The following PAX2 variants were observed in gnomAD, a reference collection of about 807,000 sequenced individuals.
The protein encoded by PAX2 is paired box protein Pax-2.
PAX2 carries 9 observed loss-of-function variants against 41.7 expected under a neutral mutation model. The observed-to-expected ratio is 0.22, with a 90% CI of 0.13 to 0.38. The LOEUF (loss-of-function observed/expected upper bound fraction) is 0.38. Ranked by LOEUF, PAX2 falls within the 10% of genes least tolerant of loss-of-function variation. The pLI is 1.00. For synonymous variants in PAX2, 221 were observed against 212.7 expected (o/e 1.04, Z -0.34); for missense variants, 418 against 531.6 (o/e 0.79, Z 2.10).
In PAX2 at chr10:100,779,547, G is replaced by A. The variant is rs778742674; in HGVS notation, c.460G>A (p.Ala154Thr). 3.1e-6 allele frequency: 5 copies of A among 1,596,384 alleles called. No individual in the cohort carries two copies. The highest frequency in any genetic ancestry group is 2.6e-6 in the Non-Finnish European group (3 of 1,171,902). Residue 154 changes from alanine to threonine, a missense_variant, in exon 4 of 10, where the codon GCT becomes ACT. Ala to Thr is a moderately conservative substitution (Grantham distance 58). Transcript: ENST00000355243. ...GCCTTTCCACCCAACGCCGGATGGGGCTGGGACAGGAGTGACCGCCCCTGG... is the reference window on the plus strand; with the variant it reads ...GCCTTTCCACCCAACGCCGGATGGGACTGGGACAGGAGTGACCGCCCCTGG... Reference protein sequence around the residue: ...QQPFHPTPDGAGTGVTAPGHT... With the variant: ...QQPFHPTPDGTGTGVTAPGHT...
rs2133954174 is a variant in PAX2 at position 100,808,299 on chromosome 10, A to G, written c.793-811A>G. Among the ~76,000 whole-genome samples the G allele has an allele frequency of 2.0e-5, 3 of 152,206 alleles. No individual in the cohort carries two copies. The South Asian group carries it at 6.2e-4, about 32-fold the overall frequency. ...ATACGAGAAGGAATTGGAAATGACG[A>G]GGCAATCCCGTCCAGCCATGGAGGG... On this transcript the variant is annotated intron_variant, in intron 6 of 9. Coordinates refer to ENST00000355243, the MANE Select transcript of PAX2 (RefSeq NM_000278.5).
At chr10:100,743,894 C>T (rs1281294978), upstream of PAX2, among the ~76,000 whole-genome samples, 1 of 152,144 alleles carries the variant, frequency 6.6e-6, no homozygotes, top group African/African-American at 2.4e-5. Context: ...GAGGGGCAGG[C>T]GGTGAGGAGT....
intron 3 of PAX2, among the ~76,000 whole-genome samples, chr10:100,763,858 A>G (rs1252906011): frequency 6.6e-6 from 1 of 152,150 alleles, no homozygotes; most frequent in African/African-American, 2.4e-5. Context: ...TTCCCTACTC[A>G]CTGGCTAGAG....
chr10:100,773,966 C>T (rs746125342), intron 3 of PAX2, among the ~76,000 whole-genome samples: 1 of 152,004 alleles, frequency 6.6e-6, no homozygotes, highest in East Asian at 1.9e-4. Context: ...CACATAGCCA[C>T]GGTGGGACTT....
chr10:100,805,707 T>A (rs920247405), intron 5 of PAX2, among the ~76,000 whole-genome samples: 3 of 152,254 alleles, frequency 2.0e-5, no homozygotes, highest in Admixed American at 2.0e-4. Flanking sequence ...GGCTTGAGCC[T>A]GGGTCTAGGT....
chr10:100,739,303 G>C (rs2133811093), intron 1 of PAX2, among the ~76,000 whole-genome samples: 1 of 152,312 alleles, frequency 6.6e-6, no homozygotes, highest in East Asian at 1.9e-4. Context: ...CTCGCAGCCT[G>C]TCCCCGCCTC....
chr10:100,778,277 A>G (rs1014894895), intron 3 of PAX2, among the ~76,000 whole-genome samples: 19 of 152,164 alleles, frequency 1.2e-4, no homozygotes, highest in African/African-American at 4.3e-4. Context: ...GAAGATCTAC[A>G]TCAATTTCCC....
chr10:100,789,472 C>T (rs2133915838), intron 5 of PAX2, among the ~76,000 whole-genome samples: 1 of 152,314 alleles, frequency 6.6e-6, no homozygotes, highest in South Asian at 2.1e-4. Context: ...ATTTCACACA[C>T]TGTACTATCT....
At chr10:100,756,417 A>G (rs942980539) in intron 3 of PAX2, among the ~76,000 whole-genome samples, 3 of 152,232 alleles carry the variant, frequency 2.0e-5, no homozygotes, top group African/African-American at 7.2e-5. Flanking sequence ...ATGGTGTAAA[A>G]GTGACAAGCA....
intron 5 of PAX2, among the ~76,000 whole-genome samples, chr10:100,805,653 C>T (rs547849700): frequency 2.6e-5 from 4 of 152,202 alleles, no homozygotes; most frequent in Non-Finnish European, 5.9e-5. Flanking sequence ...CCTCTGGAGA[C>T]TTGCAGGAGG....
In PAX2 at chr10:100,826,649, C is replaced by A. The variant is rs1404939846; in HGVS notation, c.1022-360C>A. 6.6e-6 allele frequency among the ~76,000 whole-genome samples: 1 copy of A among 152,244 alleles called. No individual in the cohort carries two copies. The highest frequency in any genetic ancestry group is 1.5e-5 in the Non-Finnish European group (1 of 68,034). On this transcript the variant is annotated intron_variant, in intron 8 of 9. Transcript: ENST00000355243. The surrounding 1 kb of genome is among the most constrained non-coding windows in gnomAD (Gnocchi z 5.5). ...CCATTAGGGGCCATGCCTCCTAGAACCGGAGTGGCATCTATAAAGGCCCTG... is the reference window on the plus strand; with the variant it reads ...CCATTAGGGGCCATGCCTCCTAGAAACGGAGTGGCATCTATAAAGGCCCTG...
intron 1 of PAX2, chr10:100,747,853 G>A: frequency 6.1e-6 from 6 of 984,860 alleles, no homozygotes; most frequent in Non-Finnish European, 7.2e-6. Context: ...AGCCTGCCTC[G>A]CGGCCCGCTG....
chr10:100,776,906 C>T (rs940722097), intron 3 of PAX2, among the ~76,000 whole-genome samples: 5 of 152,148 alleles, frequency 3.3e-5, no homozygotes, highest in South Asian at 2.1e-4. Flanking sequence ...AGCTCCCTAT[C>T]GCCTCATGCC....
chr10:100,812,428 T>G (rs1176905161), intron 7 of PAX2, among the ~76,000 whole-genome samples: 1 of 152,162 alleles, frequency 6.6e-6, no homozygotes, highest in Non-Finnish European at 1.5e-5. Flanking sequence ...CATGAGAGAA[T>G]GGGTCACGGG....
intron 8 of PAX2, among the ~76,000 whole-genome samples, chr10:100,825,670 G>A (rs866504926): frequency 8.5e-5 from 13 of 152,294 alleles, no homozygotes; most frequent in Middle Eastern, 3.4e-3. Flanking sequence ...ATGGGGAATG[G>A]GGAGGATAGA....
chr10:100,807,203 C>T lies in PAX2; in HGVS notation c.792+598C>T, dbSNP rs540077077. Among the ~76,000 whole-genome samples the T allele has an allele frequency of 1.3e-3, 199 of 152,264 alleles. 1 individual carries two copies. The highest frequency in any genetic ancestry group is 4.6e-3 in the African/African-American group (193 of 41,536). ...ATAGCATGGGGCACAGCATGTAACA[C>T]ACCAGCAAAACGCACAACGCAGAAA... On this transcript the variant is annotated intron_variant, in intron 6 of 9. Transcript: ENST00000355243.
At chr10:100,752,365 G>A (rs1474356992) in intron 3 of PAX2, among the ~76,000 whole-genome samples, 1 of 152,256 alleles carries the variant, frequency 6.6e-6, no homozygotes, top group Non-Finnish European at 1.5e-5. Context: ...GTTTGGGAGA[G>A]GAATAAGCCC....
chr10:100,762,991 T>C (rs1035880136), intron 3 of PAX2, among the ~76,000 whole-genome samples: 5 of 152,228 alleles, frequency 3.3e-5, no homozygotes, highest in Non-Finnish European at 7.3e-5. Context: ...TACAGCTGTA[T>C]GAGGTTTTTA....
chr10:100,817,364 A>G (rs2133971575), intron 7 of PAX2, among the ~76,000 whole-genome samples: 1 of 152,280 alleles, frequency 6.6e-6, no homozygotes, highest in Non-Finnish European at 1.5e-5. Flanking sequence ...TCTCCCCAAC[A>G]TTCCCTGGTG....
Sources: allele counts gnomAD v4.1 joint callset (sites outside exome capture counted in the v4.1 genomes callset), GRCh38; gene constraint gnomAD v4.1.1; non-coding constraint Gnocchi (gnomAD v3.1); transcripts MANE v1.5; gene names NCBI Gene and HGNC (gene_info 2026-07-23, HGNC 2026-07-21).